Variants in TPTE observed in about 807,000 individuals in gnomAD.
TPTE encodes transmembrane phosphatase with tensin homology.
TPTE carries 59 observed loss-of-function variants against 84.1 expected under a neutral mutation model. That is an observed-to-expected ratio of 0.70 (90% CI 0.57 to 0.87). The LOEUF (loss-of-function observed/expected upper bound fraction) is 0.87. TPTE is among the 40% of genes least tolerant of loss of function. The pLI is 0.00. For synonymous variants in TPTE, 130 were observed against 223.5 expected (o/e 0.58, Z 3.73); for missense variants, 382 against 659.6 (o/e 0.58, Z 4.61).
At chr21:10,569,073 T>G (rs1431624983) in intron 11 of TPTE, among the ~76,000 whole-genome samples, 1 of 152,312 alleles carries the variant, frequency 6.6e-6, no homozygotes, top group Non-Finnish European at 1.5e-5. Context: ...AATTTACAGA[T>G]GCTAAGAGTC....
At chr21:10,541,651 A>G (rs1215565891) in intron 5 of TPTE, among the ~76,000 whole-genome samples, 1 of 152,312 alleles carries the variant, frequency 6.6e-6, no homozygotes, top group African/African-American at 2.4e-5. Context: ...TACATTGTTT[A>G]GAAAAAAAGA....
intron 2 of TPTE, among the ~76,000 whole-genome samples, chr21:10,525,251 T>G (rs1473356678): frequency 1.3e-5 from 2 of 152,312 alleles, no homozygotes; most frequent in African/African-American, 4.8e-5. Context: ...TACAATTATA[T>G]GACATTTTAA....
intron 17 of TPTE, among the ~76,000 whole-genome samples, chr21:10,581,034 CAT>C (rs1258536174): frequency 1.3e-5 from 2 of 152,300 alleles, no homozygotes; most frequent in African/African-American, 4.8e-5. Flanking sequence ...TCCAGGAAAA[CAT>C]AGCACCATCA....
chr21:10,554,967 A>T (rs1444677537), intron 8 of TPTE, among the ~76,000 whole-genome samples: 1 of 152,310 alleles, frequency 6.6e-6, no homozygotes, highest in East Asian at 1.9e-4. Flanking sequence ...GCTTTGCATC[A>T]TGGCCACCTC....
intron 8 of TPTE, among the ~76,000 whole-genome samples, chr21:10,554,669 A>G (rs924519945): frequency 6.6e-6 from 1 of 152,304 alleles, no homozygotes; most frequent in Non-Finnish European, 1.5e-5. Context: ...ATGTATCTGT[A>G]CTTTTCTTTG....
chr21:10,545,749 GTATA>G (rs1271006716), intron 7 of TPTE, among the ~76,000 whole-genome samples: 1 of 151,710 alleles, frequency 6.6e-6, no homozygotes, highest in African/African-American at 2.4e-5. Context: ...GTATTTGTGT[GTATA>G]TAGATATAGA....
intron 7 of TPTE, among the ~76,000 whole-genome samples, chr21:10,545,649 CACAT>C (rs2074451787): frequency 6.6e-6 from 1 of 152,210 alleles, no homozygotes; most frequent in Non-Finnish European, 1.5e-5. Flanking sequence ...CACACACACA[CACAT>C]ATAACACACA....
chr21:10,587,842 G>A (rs1160910840), intron 17 of TPTE, among the ~76,000 whole-genome samples: 384 of 151,630 alleles, frequency 2.5e-3, no homozygotes, highest in African/African-American at 8.7e-3. Flanking sequence ...GAGCCACCGC[G>A]CCCAGCCTAT....
chr21:10,549,772 T>C (rs1021614687), intron 7 of TPTE, among the ~76,000 whole-genome samples: 2 of 152,308 alleles, frequency 1.3e-5, no homozygotes, highest in African/African-American at 4.8e-5. Context: ...AAAACATATT[T>C]AATAAAATAG....
intron 10 of TPTE, among the ~76,000 whole-genome samples, chr21:10,566,396 AC>A (rs2074922016): frequency 6.6e-6 from 1 of 152,306 alleles, no homozygotes; most frequent in Non-Finnish European, 1.5e-5. Flanking sequence ...GAACCCTCAT[AC>A]ACTGTTCATG....
At chr21:10,555,691 A>G (rs2074668725) in intron 8 of TPTE, among the ~76,000 whole-genome samples, 1 of 152,306 alleles carries the variant, frequency 6.6e-6, no homozygotes, top group African/African-American at 2.4e-5. Context: ...TATTAAAAAT[A>G]CTTTGATATT....
At chr21:10,592,561 A>G (rs1222437150) in intron 19 of TPTE, among the ~76,000 whole-genome samples, 188 bp downstream of exon 19, 1 of 152,294 alleles carries the variant, frequency 6.6e-6, no homozygotes, top group African/African-American at 2.4e-5. Flanking sequence ...CATGCTGGGG[A>G]CTCTGGTTTC....
Position 10,543,317 on chromosome 21 carries a change from A to T in TPTE, c.120-12A>T. The T allele has an allele frequency of 1.2e-6, 2 of 1,613,656 alleles. No homozygotes were observed. Among genetic ancestry groups the T allele is most frequent in the Non-Finnish European group, 1.7e-6 (2 of 1,179,836 alleles). On this transcript the variant is annotated splice_polypyrimidine_tract_variant and intron_variant, in intron 6 of 23. Transcript: ENST00000618007. ...AAAGTGCTGCTGACTGTATTCTTTT[A>T]TCATCCTCTAGCCCACACACAAGTG...
intron 7 of TPTE, among the ~76,000 whole-genome samples, chr21:10,550,942 CAA>C (rs1268025468): frequency 2.8e-4 from 42 of 152,408 alleles, no homozygotes; most frequent in African/African-American, 7.9e-4. Flanking sequence ...ACATTCATAA[CAA>C]GAGGAACATT....
At chr21:10,553,624 T>G (rs2074622611) in intron 8 of TPTE, among the ~76,000 whole-genome samples, 1 of 152,310 alleles carries the variant, frequency 6.6e-6, no homozygotes, top group Admixed American at 6.5e-5. Flanking sequence ...TTATTTTATT[T>G]TTAAATTACA....
chr21:10,547,925 G>C (rs1200107693), intron 7 of TPTE, among the ~76,000 whole-genome samples: 2 of 152,306 alleles, frequency 1.3e-5, no homozygotes, highest in Admixed American at 6.5e-5. Flanking sequence ...AAGTGGGAGA[G>C]GCCCCTAAGC....
chr21:10,596,974 A>G (rs2075600136), intron 20 of TPTE, among the ~76,000 whole-genome samples: 1 of 152,062 alleles, frequency 6.6e-6, no homozygotes, highest in Non-Finnish European at 1.5e-5. Context: ...ATTAAATGAA[A>G]ACAAACAGCA....
intron 17 of TPTE, among the ~76,000 whole-genome samples, chr21:10,578,904 C>G (rs1225913029): frequency 6.6e-6 from 1 of 152,308 alleles, no homozygotes; most frequent in Non-Finnish European, 1.5e-5. Context: ...TAGTTTATAT[C>G]TCTCAAAATA....
intron 5 of TPTE, among the ~76,000 whole-genome samples, chr21:10,541,782 A>G (rs113016070): frequency 1.1e-3 from 167 of 152,362 alleles, no homozygotes; most frequent in Non-Finnish European, 2.2e-3. Context: ...GGCCCAGGGA[A>G]GAGAGAATCC....
Sources: allele counts gnomAD v4.1 joint callset (sites outside exome capture counted in the v4.1 genomes callset), GRCh38; gene constraint gnomAD v4.1.1; transcripts MANE v1.5; gene names NCBI Gene and HGNC (gene_info 2026-07-23, HGNC 2026-07-21).